ATP9A: variants seen among roughly 807,000 people sequenced by gnomAD.
ATP9A encodes the protein ATPase phospholipid transporting 9A.
ATP9A carries 52 observed loss-of-function variants against 144.1 expected under a neutral mutation model. The observed-to-expected ratio is 0.36, with a 90% CI of 0.29 to 0.45. The LOEUF is 0.45. Ranked by LOEUF, ATP9A falls within the 20% of genes least tolerant of loss-of-function variation. The pLI is 1.00. For missense variants in ATP9A, 947 were observed against 1,392.7 expected, an observed-to-expected ratio of 0.68 and a Z score of 5.09; for synonymous variants, 582 against 557.4, an observed-to-expected ratio of 1.04 and a Z score of -0.62.
At chr20:51,662,529 AGC>A in intron 13 of ATP9A, among the ~76,000 whole-genome samples, 1 of 147,742 alleles carries the variant, frequency 6.8e-6, no homozygotes. Flanking sequence ...TGGTTAACAG[AGC>A]AAGACTCTGT....
intron 15 of ATP9A, among the ~76,000 whole-genome samples, chr20:51,638,692 G>GT (rs764377024): frequency 1.3e-5 from 2 of 152,182 alleles, no homozygotes; most frequent in East Asian, 3.9e-4. Context: ...GTGAAACCCT[G>GT]TATCTATAAA....
intron 1 of ATP9A, among the ~76,000 whole-genome samples, chr20:51,748,535 C>T (rs914781636): frequency 3.3e-5 from 5 of 152,116 alleles, no homozygotes; most frequent in Non-Finnish European, 7.4e-5. Flanking sequence ...TTATACAAAA[C>T]TAAAACCACA....
intron 1 of ATP9A, among the ~76,000 whole-genome samples, chr20:51,756,916 GT>G (rs1007642435): frequency 7.3e-4 from 109 of 149,384 alleles, no homozygotes; most frequent in Middle Eastern, 3.4e-3. Flanking sequence ...TTTCGGTTTT[GT>G]TTTTTTTTTA....
intron 27 of ATP9A, among the ~76,000 whole-genome samples, chr20:51,601,708 C>A (rs1303093506): frequency 6.6e-6 from 1 of 152,130 alleles, no homozygotes; most frequent in African/African-American, 2.4e-5. Flanking sequence ...GAGTTTGAGA[C>A]CAGCTTGGGC....
intron 1 of ATP9A, chr20:51,735,128 C>A: frequency 6.3e-6 from 1 of 158,664 alleles, no homozygotes. Context: ...CTGCCGTCTG[C>A]ATGGGGTTGG....
At chr20:51,627,854 G>C (rs1206253445) in intron 16 of ATP9A, among the ~76,000 whole-genome samples, 171 bp from the exon 17 acceptor site, 1 of 152,158 alleles carries the variant, frequency 6.6e-6, no homozygotes, top group Non-Finnish European at 1.5e-5. Flanking sequence ...TTCTATAGGG[G>C]AAGTTGCAGA....
intron 19 of ATP9A, among the ~76,000 whole-genome samples, chr20:51,620,189 G>A (rs546305211): frequency 1.0e-3 from 156 of 152,246 alleles, no homozygotes; most frequent in African/African-American, 3.4e-3. Flanking sequence ...CAGCTCTGCC[G>A]TTGTAATCCA....
intron 9 of ATP9A, among the ~76,000 whole-genome samples, chr20:51,685,454 C>T (rs915856632): frequency 1.3e-5 from 2 of 151,398 alleles, no homozygotes; most frequent in African/African-American, 2.4e-5. Flanking sequence ...CCCAGCTACT[C>T]GGGAGGCTGA....
chr20:51,719,593 C>T (rs1314284365), intron 3 of ATP9A, among the ~76,000 whole-genome samples: 4 of 151,832 alleles, frequency 2.6e-5, no homozygotes, highest in East Asian at 1.9e-4. Flanking sequence ...ATTAGCTGGG[C>T]GTGGTGGCAC....
intron 4 of ATP9A, among the ~76,000 whole-genome samples, chr20:51,702,246 G>C (rs183926137): frequency 6.7e-6 from 1 of 148,972 alleles, no homozygotes; most frequent in Non-Finnish European, 1.5e-5. Flanking sequence ...GCTGCAGTGA[G>C]CCAAGACCGT....
intron 3 of ATP9A, among the ~76,000 whole-genome samples, chr20:51,719,301 G>C (rs1019595494): frequency 6.6e-6 from 1 of 152,096 alleles, no homozygotes; most frequent in African/African-American, 2.4e-5. Flanking sequence ...TACAGACCAC[G>C]AGGAAAAGGG....
intron 27 of ATP9A, among the ~76,000 whole-genome samples, chr20:51,603,549 T>A (rs62228297): frequency 0.32 from 49,263 of 151,988 alleles, 9,803 homozygotes; most frequent in South Asian, 0.54. Flanking sequence ...CTGCAGGGAC[T>A]TGTGGCTCAA....
chr20:51,623,181 C>A (rs191285023), intron 18 of ATP9A, among the ~76,000 whole-genome samples: 1 of 152,178 alleles, frequency 6.6e-6, no homozygotes, highest in Non-Finnish European at 1.5e-5. Context: ...CTCAATATCC[C>A]GCCTGTCCTA....
chr20:51,767,227 GGAGCA>G (rs2077908672), intron 1 of ATP9A, among the ~76,000 whole-genome samples: 1 of 151,960 alleles, frequency 6.6e-6, no homozygotes, highest in East Asian at 1.9e-4. Context: ...GAGGAAGGGC[GGAGCA>G]GAGCGGCCGC....
At chr20:51,697,061 G>C (rs1055450474) in intron 5 of ATP9A, among the ~76,000 whole-genome samples, 1 of 152,038 alleles carries the variant, frequency 6.6e-6, no homozygotes, top group African/African-American at 2.4e-5. Flanking sequence ...TGGCTCAAAG[G>C]GTAAATTAGA....
intron 1 of ATP9A, among the ~76,000 whole-genome samples, chr20:51,747,424 C>A (rs2077813504): frequency 6.6e-6 from 1 of 151,996 alleles, no homozygotes; most frequent in Admixed American, 6.6e-5. Context: ...ACAAAGGCAC[C>A]CCCTGTGCAA....
intron 4 of ATP9A, among the ~76,000 whole-genome samples, chr20:51,706,099 AGATT>A (rs2077613666): frequency 6.6e-6 from 1 of 152,252 alleles, no homozygotes; most frequent in Non-Finnish European, 1.5e-5. Context: ...TGAGGAGGCT[AGATT>A]GATAGGTTTC....
chr20:51,644,275 T>TTC (rs2077332635), intron 14 of ATP9A, among the ~76,000 whole-genome samples: 1 of 142,446 alleles, frequency 7.0e-6, no homozygotes, highest in Admixed American at 6.9e-5. Context: ...AGCTTTTTTT[T>TTC]TTTTTTTTTT....
At chr20:51,647,974 A>G (rs568489361) in intron 14 of ATP9A, among the ~76,000 whole-genome samples, 10 of 152,310 alleles carry the variant, frequency 6.6e-5, no homozygotes, top group African/African-American at 2.4e-4. Context: ...TGGTTAATCA[A>G]TAATACTGAT....
Sources: allele counts gnomAD v4.1 joint callset (sites outside exome capture counted in the v4.1 genomes callset), GRCh38; gene constraint gnomAD v4.1.1; transcripts MANE v1.5; gene names NCBI Gene and HGNC (gene_info 2026-07-23, HGNC 2026-07-21).